Variants in KIF16B observed in about 807,000 individuals in gnomAD.
The protein encoded by KIF16B is kinesin family member 16B.
KIF16B carries 98 observed loss-of-function variants against 156.3 expected under a neutral mutation model. That is an observed-to-expected ratio of 0.63 (90% CI 0.53 to 0.74). The LOEUF is 0.74. KIF16B is among the 30% of genes least tolerant of loss of function. The probability of loss-of-function intolerance (pLI) is 0.00; values close to 1 mark genes in which losing one functional copy is unlikely to be tolerated. For synonymous variants in KIF16B, 564 were observed against 583.7 expected (o/e 0.97, Z 0.49); for missense variants, 1,421 against 1,606.5 (o/e 0.88, Z 1.97).
intron 1 of KIF16B, among the ~76,000 whole-genome samples, chr20:16,530,246 C>T (rs373149649): frequency 3.9e-5 from 6 of 152,312 alleles, no homozygotes; most frequent in African/African-American, 1.4e-4. Flanking sequence ...AGTGATTGCC[C>T]GGCACTCACA....
chr20:16,507,451 C>T (rs1181908873), intron 7 of KIF16B, among the ~76,000 whole-genome samples: 1 of 152,080 alleles, frequency 6.6e-6, no homozygotes, highest in African/African-American at 2.4e-5. Flanking sequence ...CAATAATTTC[C>T]ACAGATGTTC....
chr20:16,433,754 A>G (rs2066569701), intron 12 of KIF16B, among the ~76,000 whole-genome samples: 1 of 152,220 alleles, frequency 6.6e-6, no homozygotes, highest in Admixed American at 6.5e-5. Flanking sequence ...TTCAAGCTGC[A>G]TTCAACTACA....
In KIF16B at chr20:16,379,957, T is replaced by C. The variant is rs763424348; in HGVS notation, c.2045A>G (p.Glu682Gly). 19 of 1,612,990 alleles carry C rather than the reference T, an allele frequency of 1.2e-5. No individual in the cohort carries two copies. The highest frequency in any genetic ancestry group is 1.6e-5 in the Non-Finnish European group (19 of 1,179,824). Residue 682 changes from glutamate to glycine, a missense_variant, in exon 19 of 26, where the codon GAG (glutamate) becomes GGG (glycine). Transcript: ENST00000354981. The part of the protein sequence containing the change: ...LLAEKEKFEE[E>G]RLREQQEIEL... ...GATTTCCTGCTGTTCCCTCAGCCTC[T>C]CCTCTTCAAATTTTTCCTTCTCCGC...
At chr20:16,513,036 T>G (rs1568625757) in intron 4 of KIF16B, 113 bp from the exon 5 acceptor site, 4 of 719,828 alleles carry the variant, frequency 5.6e-6, no homozygotes, top group Middle Eastern at 4.7e-4. Flanking sequence ...TGCCAACCCC[T>G]GGCCTACCAC....
At chr20:16,329,726 T>G (rs2063916400) in intron 24 of KIF16B, among the ~76,000 whole-genome samples, 2 of 152,244 alleles carry the variant, frequency 1.3e-5, no homozygotes, top group East Asian at 3.9e-4. Flanking sequence ...ATAATACATG[T>G]CAATAGATGA....
At chr20:16,394,974 C>T (rs192717204) in intron 17 of KIF16B, among the ~76,000 whole-genome samples, 191 of 151,690 alleles carry the variant, frequency 1.3e-3, no homozygotes, top group Admixed American at 2.4e-3. Context: ...GTTTATTAGA[C>T]GTCTAAGTTC....
intron 17 of KIF16B, among the ~76,000 whole-genome samples, chr20:16,399,497 C>T (rs1249363558): frequency 5.9e-5 from 9 of 152,162 alleles, no homozygotes; most frequent in Non-Finnish European, 1.3e-4. Context: ...CCTCAAGCAC[C>T]ACTGAATGAA....
intron 1 of KIF16B, among the ~76,000 whole-genome samples, chr20:16,572,701 G>A (rs1179457227): frequency 1.3e-5 from 2 of 152,196 alleles, no homozygotes; most frequent in Non-Finnish European, 1.5e-5. Context: ...TTTTTTCTAG[G>A]AGTCAGGACT....
rs776587255 is a variant in KIF16B at position 16,380,087 on chromosome 20, T to A, written c.1915A>T (p.Thr639Ser). ...ELERMQQEVE[T>S]QRKETEIVQL... ...ACGATTTCTGTCTCCTTGCGCTGGGTCTCCACCTCCTGCTGCATCCGCTCC... is the reference window on the plus strand; with the variant it reads ...ACGATTTCTGTCTCCTTGCGCTGGGACTCCACCTCCTGCTGCATCCGCTCC... Residue 639 changes from threonine (T) to serine (S), a missense_variant, in exon 19 of 26, where the codon ACC becomes TCC. By Grantham distance (58) the Thr-to-Ser change is moderately conservative. Transcript: ENST00000354981. 15 of 1,535,588 alleles carry A rather than the reference T, an allele frequency of 9.8e-6. No individual in the cohort carries two copies. The South Asian group carries it at 2.0e-4, about 20-fold the overall frequency.
chr20:16,506,969 G>A (rs1028187486), intron 7 of KIF16B, among the ~76,000 whole-genome samples: 1 of 151,752 alleles, frequency 6.6e-6, no homozygotes. Flanking sequence ...TGGGCGTGGT[G>A]TTGTGCACTG....
At chr20:16,326,843 A>T (rs978543830) in intron 24 of KIF16B, among the ~76,000 whole-genome samples, 12 of 151,930 alleles carry the variant, frequency 7.9e-5, no homozygotes, top group Non-Finnish European at 1.2e-4. Flanking sequence ...AGAGGAAAAG[A>T]AGTCATTATA....
chr20:16,391,825 G>T (rs1044881057), intron 17 of KIF16B, among the ~76,000 whole-genome samples: 5 of 152,170 alleles, frequency 3.3e-5, no homozygotes, highest in Admixed American at 6.5e-5. Context: ...CTCCACTGGG[G>T]TTTTCAGAGG....
At chr20:16,350,367 G>A (rs967928384) in intron 23 of KIF16B, among the ~76,000 whole-genome samples, 1 of 152,138 alleles carries the variant, frequency 6.6e-6, no homozygotes, top group Admixed American at 6.5e-5. Flanking sequence ...AGGGGCTGGA[G>A]GGTGCCCGGC....
At chr20:16,343,494 C>T (rs1377392626) in intron 23 of KIF16B, among the ~76,000 whole-genome samples, 2 of 152,006 alleles carry the variant, frequency 1.3e-5, no homozygotes, top group African/African-American at 2.4e-5. Context: ...GCAACATATG[C>T]GGGAGCTACC....
chr20:16,354,989 T>C (rs1483584779), intron 23 of KIF16B, among the ~76,000 whole-genome samples: 11 of 150,762 alleles, frequency 7.3e-5, no homozygotes, highest in African/African-American at 2.4e-4. Context: ...CATCATGCTT[T>C]CTCAATGAAA....
At chr20:16,367,268 G>A (rs2064689870) in intron 22 of KIF16B, 1 of 1,612,712 alleles carries the variant, frequency 6.2e-7, no homozygotes, top group African/African-American at 1.3e-5. Context: ...GTGAACAACT[G>A]GACATTTGGG....
At chr20:16,557,948 A>G (rs1442039275) in intron 1 of KIF16B, among the ~76,000 whole-genome samples, 3 of 152,240 alleles carry the variant, frequency 2.0e-5, no homozygotes, top group Admixed American at 6.5e-5. Flanking sequence ...AGGGACTCAG[A>G]CTATAAACCA....
intron 12 of KIF16B, among the ~76,000 whole-genome samples, chr20:16,470,580 C>T (rs1355798923): frequency 6.6e-6 from 1 of 152,036 alleles, no homozygotes; most frequent in Non-Finnish European, 1.5e-5. Flanking sequence ...ACCCCCCAGG[C>T]TCAAGCAATC....
intron 22 of KIF16B, among the ~76,000 whole-genome samples, chr20:16,364,778 A>G (rs1234154872): frequency 1.3e-5 from 2 of 152,226 alleles, no homozygotes; most frequent in Non-Finnish European, 2.9e-5. Flanking sequence ...TGCTTCTATT[A>G]TGTGGTACAA....
Sources: allele counts gnomAD v4.1 joint callset (sites outside exome capture counted in the v4.1 genomes callset), GRCh38; gene constraint gnomAD v4.1.1; transcripts MANE v1.5; gene names NCBI Gene and HGNC (gene_info 2026-07-23, HGNC 2026-07-21).